NEDD8: variants seen among roughly 807,000 people sequenced by gnomAD.
NEDD8 encodes NEDD8 ubiquitin like modifier.
A neutral mutation model predicts 13.8 loss-of-function variants in NEDD8; 1 was observed. That is an observed-to-expected ratio of 0.07 (90% CI 0.03 to 0.34). The LOEUF (loss-of-function observed/expected upper bound fraction) is 0.34. Among genes scored for constraint, NEDD8 ranks in the 10% least tolerant of loss-of-function variants. The pLI, the probability that NEDD8 is intolerant of heterozygous loss-of-function variation, is 0.99. For missense variants in NEDD8, 10 were observed against 95.2 expected (o/e 0.10, Z 3.73); for synonymous variants, 31 against 33.2 (o/e 0.93, Z 0.23).
intron 1 of NEDD8, among the ~76,000 whole-genome samples, chr14:24,230,616 CTTT>C (rs751786098): frequency 7.3e-6 from 1 of 136,376 alleles, no homozygotes; most frequent in Admixed American, 7.3e-5. Context: ...CTCTCTCTTT[CTTT>C]TTTTTTTTTG....
intron 3 of NEDD8, 121 bp from the exon 4 acceptor site, chr14:24,217,344 C>G: frequency 1.3e-6 from 1 of 769,894 alleles, no homozygotes; most frequent in Non-Finnish European, 2.1e-6. Flanking sequence ...GGCTGGAGTA[C>G]AGTGGCACGA....
At chr14:24,218,652 T>G in intron 1 of NEDD8, 1 of 619,144 alleles carries the variant, frequency 1.6e-6, no homozygotes, top group South Asian at 2.0e-5. Context: ...TTGAACCATC[T>G]GATCCTCTTA....
In NEDD8 at chr14:24,217,116, T is replaced by G; in HGVS notation, c.*11A>C. ...TGAGCGACAGGGTAAAGAGGTAAAA[T>G]GGAGGGTCCATCACTGCCTAAGACC... On this transcript the variant is annotated 3_prime_UTR_variant, in exon 4 of 4. Coordinates refer to ENST00000250495, the MANE Select transcript of NEDD8 (RefSeq NM_006156.3). 6.2e-7 allele frequency: 1 copy of G among 1,606,278 alleles called. No homozygotes were observed. Among genetic ancestry groups the G allele is most frequent in the Non-Finnish European group, 8.5e-7 (1 of 1,174,728 alleles).
chr14:24,218,306 A>C, intron 2 of NEDD8, 78 bp downstream of exon 2: 3 of 1,614,036 alleles, frequency 1.9e-6, no homozygotes, highest in Non-Finnish European at 2.5e-6. Context: ...CATGAGAGCA[A>C]AAGGACCAAG....
chr14:24,231,903 A>G, intron 1 of NEDD8: 1 of 297,342 alleles, frequency 3.4e-6, no homozygotes, highest in South Asian at 6.3e-5. Flanking sequence ...GCTTACTCCA[A>G]GAATCTGAGA....
intron 1 of NEDD8, among the ~76,000 whole-genome samples, chr14:24,224,123 T>G (rs1016142867): frequency 4.0e-5 from 6 of 151,878 alleles, no homozygotes; most frequent in South Asian, 2.1e-4. Context: ...TAGAGACGGG[T>G]TTTCACTGTG....
chr14:24,224,642 T>C (rs916542166), intron 1 of NEDD8, among the ~76,000 whole-genome samples: 8 of 152,186 alleles, frequency 5.3e-5, no homozygotes, highest in South Asian at 2.1e-4. Flanking sequence ...AGCTAATATA[T>C]GAAGCAACAA....
At chr14:24,230,442 G>A (rs2039973729) in intron 1 of NEDD8, among the ~76,000 whole-genome samples, 1 of 141,944 alleles carries the variant, frequency 7.0e-6, no homozygotes, top group Non-Finnish European at 1.5e-5. Context: ...GGCTGAGGCA[G>A]GAGAATGGCA....
At chr14:24,229,841 G>A (rs1194788043) in intron 1 of NEDD8, among the ~76,000 whole-genome samples, 1 of 152,092 alleles carries the variant, frequency 6.6e-6, no homozygotes, top group East Asian at 1.9e-4. Context: ...TTTAGGCGGA[G>A]GTGAGCGGAT....
chr14:24,229,886 C>G (rs545171385), intron 1 of NEDD8, among the ~76,000 whole-genome samples: 2 of 152,072 alleles, frequency 1.3e-5, no homozygotes, highest in African/African-American at 4.8e-5. Flanking sequence ...TCCTGGCCAA[C>G]CTGGTGAAAC....
chr14:24,216,937 C>T lies in NEDD8; in HGVS notation c.*190G>A, dbSNP rs1158434785. On this transcript the variant is annotated 3_prime_UTR_variant, in exon 4 of 4. Transcript: ENST00000250495. Reference sequence around the variant, plus strand: ...GGAAGCACACAGGACTGCAAACTAACACCCAGTAGCCAGCAAGGGCCCTCT... The same window carrying T: ...GGAAGCACACAGGACTGCAAACTAATACCCAGTAGCCAGCAAGGGCCCTCT... The T allele has an allele frequency of 5.0e-5, 29 of 584,418 alleles. 1 individual carries two copies. The East Asian group carries it at 7.2e-4, about 15-fold the overall frequency. The allele number at this position is 584,418 out of a possible 1,614,324, so 36.2% of individuals were successfully genotyped here. A position where few individuals can be genotyped will look rare whatever the true frequency, so the allele number is the denominator to read the frequency against.
chr14:24,230,426 T>C (rs1347184953), intron 1 of NEDD8, among the ~76,000 whole-genome samples: 2 of 140,978 alleles, frequency 1.4e-5, no homozygotes, highest in Middle Eastern at 4.0e-3. Context: ...TCCCAGCTAC[T>C]CGGGAGGCTG....
At chr14:24,229,226 T>C (rs2039949056) in intron 1 of NEDD8, among the ~76,000 whole-genome samples, 1 of 152,114 alleles carries the variant, frequency 6.6e-6, no homozygotes, top group Admixed American at 6.5e-5. Context: ...AGTTATTTTA[T>C]TTATTTATTT....
intron 3 of NEDD8, 42 bp from the exon 4 acceptor site, chr14:24,217,265 TAGG>T (rs1566663570): frequency 1.5e-5 from 23 of 1,514,386 alleles, no homozygotes; most frequent in Non-Finnish European, 2.1e-5. Context: ...AAAGAAGACT[TAGG>T]AGTTTTTTGT....
chr14:24,220,348 G>T (rs180761562), intron 1 of NEDD8, among the ~76,000 whole-genome samples: 1 of 152,168 alleles, frequency 6.6e-6, no homozygotes, highest in East Asian at 1.9e-4. Context: ...AAGAGACAGG[G>T]TCTCACTGTA....
rs181843995 is a variant in NEDD8 at position 24,220,808 on chromosome 14, G to C, written c.19-2377C>G. Among the ~76,000 whole-genome samples the C allele has an allele frequency of 5.9e-5, 9 of 152,316 alleles. No individual in the cohort carries two copies. In the East Asian group the frequency reaches 1.7e-3, roughly 29 times the overall value. The stretch of plus-strand genomic sequence containing the variant: ...ATTGGATCCAGATTCCCTGGTCCCA[G>C]AGCCTGTGCTTTTATTTCTGTACTC... On this transcript the variant is annotated intron_variant, in intron 1 of 3. Coordinates refer to ENST00000250495, the MANE Select transcript of NEDD8 (RefSeq NM_006156.3).
chr14:24,218,574 G>T, intron 1 of NEDD8, 143 bp from the exon 2 acceptor site: 2 of 1,149,318 alleles, frequency 1.7e-6, no homozygotes, highest in Non-Finnish European at 2.5e-6. Context: ...AGAATGAGAA[G>T]GCTTTGAACA....
chr14:24,226,148 G>A (rs1278440073), intron 1 of NEDD8, among the ~76,000 whole-genome samples: 6 of 151,862 alleles, frequency 4.0e-5, no homozygotes, highest in African/African-American at 1.5e-4. Context: ...AAGCGAAGAT[G>A]TACAACCAAG....
intron 1 of NEDD8, among the ~76,000 whole-genome samples, chr14:24,219,358 C>A (rs2039760944): frequency 1.3e-5 from 2 of 150,868 alleles, no homozygotes; most frequent in African/African-American, 4.9e-5. Flanking sequence ...TGGTGCATGC[C>A]TGTAGTACCA....
Sources: gnomAD v4.1 joint callset for allele counts (sites outside exome capture counted in the v4.1 genomes callset) on GRCh38, gnomAD v4.1.1 for gene constraint, MANE v1.5 for transcripts, NCBI Gene and HGNC (gene_info 2026-07-23, HGNC 2026-07-21) for gene names.